KIAA0232: variants seen among roughly 807,000 people sequenced by gnomAD.
The protein encoded by KIAA0232 is KIAA0232.
KIAA0232 carries 27 observed loss-of-function variants against 122.0 expected under a neutral mutation model. The ratio of observed to expected loss-of-function variants is 0.22; its 90% CI spans 0.16 to 0.31. The LOEUF (loss-of-function observed/expected upper bound fraction) is 0.31, where lower values mean the gene tolerates loss of function less well. KIAA0232 is among the 10% of genes least tolerant of loss of function. The pLI, the probability that KIAA0232 is intolerant of heterozygous loss-of-function variation, is 1.00. For missense variants in KIAA0232, 1,551 were observed against 1,634.2 expected, an observed-to-expected ratio of 0.95 and a Z score of 0.88; for synonymous variants, 613 against 587.6, an observed-to-expected ratio of 1.04 and a Z score of -0.63.
chr4:6,824,237 A>G lies in KIAA0232; in HGVS notation c.-217A>G. 1.8e-6 allele frequency: 1 copy of G among 561,170 alleles called. No homozygotes were observed. The highest frequency in any genetic ancestry group is 1.9e-5 in the African/African-American group (1 of 53,664). 34.8% of individuals were successfully genotyped at this position (561,170 alleles called of 1,614,324 possible). ...CAATGTGAAATTAAAGTAGAAAATC[A>G]CATCTACATGCATGTTGCTATCAGG... On this transcript the variant is annotated 5_prime_UTR_variant, in exon 3 of 10. Transcript: ENST00000307659.
chr4:6,796,145 A>G (rs1717124901), intron 1 of KIAA0232, among the ~76,000 whole-genome samples: 1 of 152,218 alleles, frequency 6.6e-6, no homozygotes, highest in Non-Finnish European at 1.5e-5. Context: ...AACTAGGTCT[A>G]ATTAATATGT....
At chr4:6,834,497 G>C (rs1719163919) in intron 3 of KIAA0232, among the ~76,000 whole-genome samples, 1 of 152,166 alleles carries the variant, frequency 6.6e-6, no homozygotes, top group East Asian at 1.9e-4. Flanking sequence ...TAATGCATTT[G>C]TTAGAGGCAA....
rs927031447 is a variant in KIAA0232, at chr4:6,883,367, A to T, written c.*2401A>T. ...TAACACCAAATAAAAATTGTAAAAA[A>T]CAGTTTGTTGTTTTTATTTCTCATA... On this transcript the variant is annotated 3_prime_UTR_variant, in exon 10 of 10. Transcript: ENST00000307659. 3.3e-5 allele frequency: 5 copies of T among 152,576 alleles called. No homozygotes were observed. The highest frequency in any genetic ancestry group is 5.9e-5 in the Non-Finnish European group (4 of 68,028). 9.5% of individuals were successfully genotyped at this position (152,576 alleles called of 1,614,324 possible).
At position 6,881,397 on chromosome 4, in the gene KIAA0232, G is replaced by C. The variant is rs762989589; in HGVS notation, c.*431G>C. The C allele has an allele frequency of 6.5e-6, 1 of 152,860 alleles. No homozygotes were observed. Among genetic ancestry groups the C allele is most frequent in the South Asian group, 2.1e-4 (1 of 4,842 alleles). The allele number at this position is 152,860 out of a possible 1,614,324, so 9.5% of individuals were successfully genotyped here. On this transcript the variant is annotated 3_prime_UTR_variant, in exon 10 of 10. Coordinates refer to ENST00000307659, the MANE Select transcript of KIAA0232 (RefSeq NM_014743.3). ...TTAGGCTTTGTTCTCCAAGAACTGG[G>C]ATATCCATTCTTACCCTACAGTGGC...
At position 6,855,767 on chromosome 4, in the gene KIAA0232, G is replaced by T. The variant is rs1388119301; in HGVS notation, c.370-1397G>T. On this transcript the variant is annotated intron_variant, in intron 4 of 9. Transcript: ENST00000307659. This position sits in a 1 kb window ranked among gnomAD's most constrained non-coding sequence, Gnocchi z 4.3. ...GTTCTGCATTGCGAGACTAGCCCTA[G>T]GTTTAGAAACCTAGTGACATAGGCT... 6 of 818,442 alleles carry T rather than the reference G, an allele frequency of 7.3e-6. No homozygotes were observed. Among genetic ancestry groups the T allele is most frequent in the Non-Finnish European group, 5.9e-6 (4 of 677,630 alleles). The allele number at this position is 818,442 out of a possible 1,614,324, so 50.7% of individuals were successfully genotyped here. A position where few individuals can be genotyped will look rare whatever the true frequency, so the allele number is the denominator to read the frequency against.
chr4:6,821,497 C>G (rs1718420813), intron 2 of KIAA0232, among the ~76,000 whole-genome samples: 2 of 152,056 alleles, frequency 1.3e-5, no homozygotes, highest in Non-Finnish European at 2.9e-5. Context: ...TCCTATATTA[C>G]TTCACTTAGA....
intron 3 of KIAA0232, among the ~76,000 whole-genome samples, chr4:6,839,803 A>G (rs1719549002): frequency 6.6e-6 from 1 of 152,126 alleles, no homozygotes; most frequent in East Asian, 1.9e-4. Flanking sequence ...ACTTAATGGC[A>G]TGGCAGTGGG....
rs1265667898 is a variant in KIAA0232 at position 6,864,024 on chromosome 4, C to G, written c.3642C>G (p.Ser1214Arg). 1 of 1,614,166 alleles carries G rather than the reference C, an allele frequency of 6.2e-7. No homozygotes were observed. Among genetic ancestry groups the G allele is most frequent in the Admixed American group, 1.7e-5 (1 of 60,032 alleles). ...AGCAAAATCAGTGTTTGGAATGTAG[C>G]ATGAATGAATCCCTGGAAATAGATT... ...VGKQNQCLEC[S>R]MNESLEIDLE... Residue 1214 changes from serine to arginine, a missense_variant, in exon 7 of 10, where the codon AGC (serine) becomes AGG (arginine). By Grantham distance (110) the Ser-to-Arg change is moderately radical. Around this residue, in one of 5 missense-constraint regions of KIAA0232, gnomAD observed 1,108 missense variants for 1,154.8 expected, o/e 0.96. Transcript: ENST00000307659.
chr4:6,871,825 C>G, intron 8 of KIAA0232, 143 bp downstream of exon 8: 1 of 605,522 alleles, frequency 1.7e-6, no homozygotes, highest in Non-Finnish European at 3.0e-6. Context: ...GCACTGGGGA[C>G]ACAGGGAGGA....
intron 4 of KIAA0232, among the ~76,000 whole-genome samples, chr4:6,845,669 C>T (rs1055159676): frequency 1.3e-4 from 20 of 151,406 alleles, no homozygotes; most frequent in African/African-American, 4.4e-4. Flanking sequence ...GAGTTATAGT[C>T]GGAAAGAAAA....
chr4:6,796,031 G>C (rs1717119846), intron 1 of KIAA0232, among the ~76,000 whole-genome samples: 1 of 152,220 alleles, frequency 6.6e-6, no homozygotes, highest in African/African-American at 2.4e-5. Context: ...AGGAGCCAGC[G>C]AGGGTGTGGA....
chr4:6,858,682 G>A (rs1311180352), intron 6 of KIAA0232, among the ~76,000 whole-genome samples, 176 bp downstream of exon 6: 1 of 152,164 alleles, frequency 6.6e-6, no homozygotes, highest in Non-Finnish European at 1.5e-5. Context: ...GAAACAAGAT[G>A]GTTCTGTCCT....
In KIAA0232 at chr4:6,862,721, T is replaced by C. The variant is rs771817850; in HGVS notation, c.2339T>C (p.Leu780Ser). The C allele has an allele frequency of 1.1e-5, 18 of 1,610,328 alleles. No homozygotes were observed. The highest frequency in any genetic ancestry group is 1.7e-5 in the Admixed American group (1 of 59,054). ...NSRTLGEIPTLVFKKTSKLES... is the reference protein window; with the variant it reads ...NSRTLGEIPTSVFKKTSKLES... ...AGAACTTTAGGTGAGATTCCTACATTAGTTTTCAAAAAAACATCTAAACTA... is the reference window on the plus strand; with the variant it reads ...AGAACTTTAGGTGAGATTCCTACATCAGTTTTCAAAAAAACATCTAAACTA... The change falls in exon 7 of 10, where the codon TTA becomes TCA. Residue 780 changes from leucine to serine, a missense_variant. This residue lies in a region of KIAA0232 where 1,108 missense variants were observed against 1,154.8 expected (regional missense o/e 0.96). Transcript: ENST00000307659.
intron 3 of KIAA0232, among the ~76,000 whole-genome samples, chr4:6,827,627 G>A (rs925443957): frequency 5.3e-5 from 8 of 152,224 alleles, no homozygotes; most frequent in Admixed American, 3.9e-4. Context: ...AAGCAAACAC[G>A]CAGTGCTCTT....
intron 8 of KIAA0232, among the ~76,000 whole-genome samples, chr4:6,873,159 A>C (rs1721582564): frequency 6.6e-6 from 1 of 152,222 alleles, no homozygotes. Flanking sequence ...CAAGAACCTT[A>C]GGAGATGCCC....
intron 7 of KIAA0232, among the ~76,000 whole-genome samples, chr4:6,865,658 G>A (rs1188417822): frequency 1.3e-5 from 2 of 152,188 alleles, no homozygotes; most frequent in African/African-American, 2.4e-5. Context: ...TGTGGCCAGA[G>A]AGCAGATGAG....
chr4:6,808,401 T>G (rs1198094564), intron 2 of KIAA0232, among the ~76,000 whole-genome samples: 1 of 150,246 alleles, frequency 6.7e-6, no homozygotes, highest in Admixed American at 6.7e-5. Context: ...ACCAGCAATG[T>G]GAGTATGAAC....
chr4:6,862,955 A>G lies in KIAA0232; in HGVS notation c.2573A>G (p.Tyr858Cys), dbSNP rs1393950682. 5 of 1,614,238 alleles carry G rather than the reference A, an allele frequency of 3.1e-6. No homozygotes were observed. Among genetic ancestry groups the G allele is most frequent in the South Asian group, 1.1e-5 (1 of 91,084 alleles). Residue 858 changes from tyrosine (Y) to cysteine (C), a missense_variant, in exon 7 of 10, where the codon TAC becomes TGC. Transcript: ENST00000307659. Reference protein sequence around the residue: ...AELFSADVNNYCCCLDAEAEL... With the variant: ...AELFSADVNNCCCCLDAEAEL... Reference sequence around the variant, plus strand: ...TTGTTTTCGGCAGATGTAAATAACTACTGCTGCTGTCTAGATGCTGAAGCT... The same window carrying G: ...TTGTTTTCGGCAGATGTAAATAACTGCTGCTGCTGTCTAGATGCTGAAGCT...
chr4:6,832,515 A>C (rs1719049324), intron 3 of KIAA0232, among the ~76,000 whole-genome samples: 2 of 151,778 alleles, frequency 1.3e-5, no homozygotes, highest in Admixed American at 6.6e-5. Context: ...CACCTGGCTA[A>C]TTTTTGTATT....
Sources: allele counts gnomAD v4.1 joint callset (sites outside exome capture counted in the v4.1 genomes callset), GRCh38; gene constraint gnomAD v4.1.1; regional missense constraint gnomAD v4.1.1; non-coding constraint Gnocchi (gnomAD v3.1); transcripts MANE v1.5; gene names NCBI Gene and HGNC (gene_info 2026-07-23, HGNC 2026-07-21).